MYOM2: variants seen among roughly 807,000 people sequenced by gnomAD.
The protein encoded by MYOM2 is myomesin 2.
A neutral mutation model predicts 187.6 loss-of-function variants in MYOM2; 254 were observed. The ratio of observed to expected loss-of-function variants is 1.35; its 90% CI spans 1.22 to 1.50. The LOEUF is 1.50. MYOM2 is among the 40% of genes most tolerant of loss of function. MYOM2 has a pLI of 0.00. For synonymous variants in MYOM2, 981 were observed against 753.8 expected, an observed-to-expected ratio of 1.30 and a Z score of -4.94; for missense variants, 2,796 against 1,924.0, an observed-to-expected ratio of 1.45 and a Z score of -8.48.
intron 14 of MYOM2, 129 bp downstream of exon 14, chr8:2,085,519 C>CACTGTCGTGATCTCTGCGTGG: frequency 2.8e-6 from 2 of 713,090 alleles, no homozygotes; most frequent in Non-Finnish European, 2.1e-6. Context: ...CGCGTGGCCC[C>CACTGTCGTGATCTCTGCGTGG]CCACTGTTGT....
Position 2,120,705 on chromosome 8 carries a change from A to T in MYOM2, c.3454-2547A>T, listed in dbSNP as rs928954811. ...TTATATATAAATATATAATATATAT[A>T]TTTTAATTGCCAATCTAATTGCTTA... On this transcript the variant is annotated intron_variant, in intron 28 of 36. Transcript: ENST00000262113. 6.7e-5 allele frequency among the ~76,000 whole-genome samples: 8 copies of T among 119,674 alleles called. 1 individual carries two copies. The highest frequency in any genetic ancestry group is 9.2e-5 in the African/African-American group (3 of 32,758). 78.5% of individuals were successfully genotyped at this position (119,674 alleles called of 152,430 possible).
At chr8:2,075,998 A>G in intron 10 of MYOM2, 143 bp from the exon 11 acceptor site, 3 of 676,278 alleles carry the variant, frequency 4.4e-6, no homozygotes, top group Non-Finnish European at 6.7e-6. Flanking sequence ...AGAGTAAGAA[A>G]TATTCTAGTA....
chr8:2,062,409 T>C (rs1382802599), intron 6 of MYOM2, among the ~76,000 whole-genome samples: 2 of 150,402 alleles, frequency 1.3e-5, no homozygotes, highest in Non-Finnish European at 3.0e-5. Context: ...AGCAGGGGAG[T>C]GGGAAGAAGT....
rs937609654 is a variant in MYOM2 at position 2,099,080 on chromosome 8, C to A, written c.2440+97C>A. The A allele has an allele frequency of 4.9e-6, 7 of 1,419,512 alleles. No homozygotes were observed. In the East Asian group the frequency reaches 1.5e-4, roughly 31 times the overall value. The allele number at this position is 1,419,512 out of a possible 1,614,324, so 87.9% of individuals were successfully genotyped here. The stretch of plus-strand genomic sequence containing the variant: ...ACTCTGGACTCGCCAGCCTTCACAG[C>A]GTGTCTGTTCCTCCGACACCCGCAG... On this transcript the variant is annotated intron_variant, in intron 19 of 36. Transcript: ENST00000262113.
chr8:2,128,978 T>C (rs1563075799), intron 31 of MYOM2, 149 bp from the exon 32 acceptor site: 1 of 570,120 alleles, frequency 1.8e-6, no homozygotes, highest in South Asian at 2.2e-5. Flanking sequence ...GAATAAAGTA[T>C]AAGAATTTGT....
At chr8:2,120,623 T>A (rs1797395412) in intron 28 of MYOM2, among the ~76,000 whole-genome samples, 1 of 121,812 alleles carries the variant, frequency 8.2e-6, no homozygotes, top group South Asian at 2.7e-4. Flanking sequence ...CTGACCATCC[T>A]CAGTATTGGT....
intron 6 of MYOM2, among the ~76,000 whole-genome samples, chr8:2,064,810 A>C (rs1336587166): frequency 1.3e-5 from 2 of 152,142 alleles, no homozygotes; most frequent in Non-Finnish European, 1.5e-5. Context: ...TCCTGGCACC[A>C]GTGATCTTAT....
At chr8:2,083,567 C>T (rs1393218884) in intron 13 of MYOM2, among the ~76,000 whole-genome samples, 1 of 152,220 alleles carries the variant, frequency 6.6e-6, no homozygotes, top group Admixed American at 6.5e-5. Flanking sequence ...CTCTCGTGTG[C>T]TCAGCAGTAT....
At position 2,086,205 on chromosome 8, in the gene MYOM2, C is replaced by CT. The variant is rs1554546937; in HGVS notation, c.1644+815_1644+816insT. ...CCCACTGTCATGATCTCTGCGTGGC[C>CT]CCACTGTCATGATCTCTTTGTGGCC... On this transcript the variant is annotated intron_variant, in intron 14 of 36. Coordinates refer to ENST00000262113, the MANE Select transcript of MYOM2 (RefSeq NM_003970.4). 4.1e-5 allele frequency among the ~76,000 whole-genome samples: 2 copies of CT among 48,400 alleles called. 1 individual carries two copies. The highest frequency in any genetic ancestry group is 1.1e-4 in the African/African-American group (2 of 17,600). 31.8% of individuals were successfully genotyped at this position (48,400 alleles called of 152,430 possible). A position where few individuals can be genotyped will look rare whatever the true frequency, so the allele number is the denominator to read the frequency against.
chr8:2,089,895 G>T, intron 14 of MYOM2, 113 bp from the exon 15 acceptor site: 1 of 892,142 alleles, frequency 1.1e-6, no homozygotes, highest in Non-Finnish European at 1.7e-6. Context: ...GAGACGCAGC[G>T]GGCGCGCCTG....
At chr8:2,089,960 G>C (rs1796239061) in intron 14 of MYOM2, 48 bp from the exon 15 acceptor site, 1 of 1,592,300 alleles carries the variant, frequency 6.3e-7, no homozygotes, top group South Asian at 1.1e-5. Context: ...ACGCCTCTGG[G>C]GACCTCGCGG....
chr8:2,109,810 G>T (rs1393733363), intron 25 of MYOM2, among the ~76,000 whole-genome samples: 1 of 152,212 alleles, frequency 6.6e-6, no homozygotes, highest in Non-Finnish European at 1.5e-5. Context: ...TTTAGGTCAG[G>T]TGGGGGAAAA....
rs1818512095 is a variant in MYOM2, at chr8:2,052,169, C to T, written c.119C>T (p.Thr40Ile). ...DEYASKKRAS[T>I]QASSQKSLSQ... ...CCATGTTCCTGAAGGCGAGCTTCCA[C>T]CCAGGCATCTTCCCAGAAGTCCTTG... is the stretch of plus-strand genomic sequence containing the variant. The change falls in exon 3 of 37, where the codon ACC (threonine) becomes ATC (isoleucine). Residue 40 changes from threonine (T) to isoleucine (I), a missense_variant. Transcript: ENST00000262113. 3.7e-6 allele frequency: 6 copies of T among 1,613,274 alleles called. No individual in the cohort carries two copies. Among genetic ancestry groups the T allele is most frequent in the African/African-American group, 1.3e-5 (1 of 74,930 alleles).
Position 2,108,772 on chromosome 8 carries a change from T to A in MYOM2, c.2999-14T>A. On this transcript the variant is annotated splice_polypyrimidine_tract_variant and intron_variant, in intron 23 of 36. Transcript: ENST00000262113. ...CAGGTCCAGATGAATTGAAATACTT[T>A]TTCTTCGTTTTAGAGCTCGAGCGTT... 2 of 1,613,936 alleles carry A rather than the reference T, an allele frequency of 1.2e-6. No individual in the cohort carries two copies. The highest frequency in any genetic ancestry group is 2.2e-5 in the South Asian group (2 of 91,024).
chr8:2,063,967 G>A (rs1415043443), intron 6 of MYOM2, among the ~76,000 whole-genome samples: 1 of 152,244 alleles, frequency 6.6e-6, no homozygotes, highest in African/African-American at 2.4e-5. Flanking sequence ...ACAGCATGAA[G>A]CAAAGGCTGG....
intron 1 of MYOM2, among the ~76,000 whole-genome samples, chr8:2,048,556 G>A (rs768743777): frequency 5.5e-5 from 8 of 146,088 alleles, no homozygotes; most frequent in East Asian, 2.0e-4. Context: ...AACCGATTTC[G>A]GTACCAGGGC....
At chr8:2,123,463 G>T in intron 29 of MYOM2, 92 bp from the exon 30 acceptor site, 1 of 1,471,854 alleles carries the variant, frequency 6.8e-7, no homozygotes, top group South Asian at 1.2e-5. Context: ...CTGAATTTCG[G>T]TGGTTTGCAA....
At chr8:2,075,124 GA>G (rs1466712127) in intron 10 of MYOM2, among the ~76,000 whole-genome samples, 1 of 152,190 alleles carries the variant, frequency 6.6e-6, no homozygotes, top group Non-Finnish European at 1.5e-5. Flanking sequence ...TGAAAAGAAA[GA>G]GAAGAAATGT....
intron 24 of MYOM2, 163 bp from the exon 25 acceptor site, chr8:2,109,232 C>T: frequency 1.2e-6 from 1 of 847,872 alleles, no homozygotes; most frequent in Non-Finnish European, 1.7e-6. Flanking sequence ...AACAGGCCAG[C>T]TCAAGTTTTA....
Sources: gnomAD v4.1 joint callset for allele counts (sites outside exome capture counted in the v4.1 genomes callset) on GRCh38, gnomAD v4.1.1 for gene constraint, MANE v1.5 for transcripts, NCBI Gene and HGNC (gene_info 2026-07-23, HGNC 2026-07-21) for gene names.